Variants in CALN1 observed in about 807,000 individuals in gnomAD.
The protein encoded by CALN1 is calcium-binding protein 8.
A neutral mutation model predicts 30.6 loss-of-function variants in CALN1; 17 were observed. The ratio of observed to expected loss-of-function variants is 0.56; its 90% CI spans 0.38 to 0.83. The LOEUF is 0.83. CALN1 is among the 40% of genes least tolerant of loss of function. The probability of loss-of-function intolerance (pLI) is 0.00; values close to 1 mark genes in which losing one functional copy is unlikely to be tolerated. For synonymous variants in CALN1, 156 were observed against 131.4 expected (o/e 1.19, Z -1.28); for missense variants, 291 against 354.9 (o/e 0.82, Z 1.45).
At chr7:71,834,217 C>CAAAAAAAAAAAAAA (rs11313802) in intron 5 of CALN1, among the ~76,000 whole-genome samples, 1 of 48,308 alleles carries the variant, frequency 2.1e-5, no homozygotes, top group Non-Finnish European at 3.6e-5. Flanking sequence ...GACTCCATCT[C>CAAAAAAAAAAAAAA]AAAAAAAAAA....
chr7:72,052,508 G>C (rs1802902012), intron 4 of CALN1, among the ~76,000 whole-genome samples: 1 of 151,962 alleles, frequency 6.6e-6, no homozygotes, highest in Non-Finnish European at 1.5e-5. Context: ...AAGAAAATCT[G>C]CTCTATAGCC....
chr7:71,872,878 T>C (rs1029082461), intron 5 of CALN1, among the ~76,000 whole-genome samples: 5 of 152,028 alleles, frequency 3.3e-5, no homozygotes, highest in Admixed American at 2.6e-4. Context: ...CCTTCCAAAG[T>C]GCTGAGATTA....
At chr7:71,838,022 A>G (rs12673420) in intron 5 of CALN1, among the ~76,000 whole-genome samples, 64,012 of 151,956 alleles carry the variant, frequency 0.42, 13,753 homozygotes, top group South Asian at 0.56. Context: ...TTAAGTGGTA[A>G]TTGTGGTAAC....
At position 72,325,625 on chromosome 7, in the gene CALN1, G is replaced by GTTTC. The variant is rs1403345823; in HGVS notation, c.120-46816_120-46815insGAAA. Among the ~76,000 whole-genome samples, 4 of 152,074 alleles carry GTTTC rather than the reference G, an allele frequency of 2.6e-5. No individual in the cohort carries two copies. In the South Asian group the frequency reaches 8.3e-4, roughly 32 times the overall value. On this transcript the variant is annotated intron_variant, in intron 2 of 6. Coordinates refer to ENST00000395275, the MANE Select transcript of CALN1 (RefSeq NM_031468.4). ...TCGAAAATAAATAAATAAAACAAGA[G>GTTTC]TGAAACTCTGTCTCAAAAATAAATA...
At chr7:71,918,204 A>G (rs940756118) in intron 5 of CALN1, among the ~76,000 whole-genome samples, 1 of 152,010 alleles carries the variant, frequency 6.6e-6, no homozygotes, top group Non-Finnish European at 1.5e-5. Flanking sequence ...GTACACACAC[A>G]TGTGTGCTGC....
chr7:72,374,344 C>G (rs1168638841), intron 2 of CALN1, among the ~76,000 whole-genome samples: 3 of 152,080 alleles, frequency 2.0e-5, no homozygotes, highest in Non-Finnish European at 1.5e-5. Flanking sequence ...GCCTGGCCAA[C>G]AGGGCAAAAC....
At position 72,311,014 on chromosome 7, in the gene CALN1, A is replaced by G. The variant is rs150192756; in HGVS notation, c.120-32204T>C. On this transcript the variant is annotated intron_variant, in intron 2 of 6. Coordinates refer to ENST00000395275, the MANE Select transcript of CALN1 (RefSeq NM_031468.4). ...AAGGCACGGGTGTACTTATGCATGG[A>G]ATTTTTCCAGTTATGCCAAGTGTGC... Among the ~76,000 whole-genome samples, 347 of 151,972 alleles carry G rather than the reference A, an allele frequency of 2.3e-3. 2 individuals carry two copies. The highest frequency in any genetic ancestry group is 0.017 in the Middle Eastern group (5 of 286).
chr7:72,256,521 A>T (rs1171022667), intron 3 of CALN1, among the ~76,000 whole-genome samples: 1 of 152,118 alleles, frequency 6.6e-6, no homozygotes, highest in Non-Finnish European at 1.5e-5. Context: ...AGATGACCAA[A>T]ATTCTGGATT....
intron 5 of CALN1, among the ~76,000 whole-genome samples, chr7:71,959,418 G>C (rs140192998): frequency 1.3e-5 from 2 of 152,178 alleles, no homozygotes; most frequent in African/African-American, 4.8e-5. Flanking sequence ...AGATGGGTGA[G>C]AGGCAAGTCC....
intron 5 of CALN1, among the ~76,000 whole-genome samples, chr7:71,837,207 G>A (rs906125676): frequency 2.8e-5 from 4 of 142,250 alleles, no homozygotes; most frequent in African/African-American, 8.0e-5. Context: ...ACTCCAGCCC[G>A]GGTGACAGGG....
chr7:72,377,259 G>C (rs539467598), intron 2 of CALN1, among the ~76,000 whole-genome samples: 1 of 152,220 alleles, frequency 6.6e-6, no homozygotes, highest in South Asian at 2.1e-4. Context: ...GAGTCTGCAG[G>C]TCAATTTGGG....
At position 72,386,425 on chromosome 7, in the gene CALN1, T is replaced by C. The variant is rs1408172365; in HGVS notation, c.119+16826A>G. 2.0e-5 allele frequency among the ~76,000 whole-genome samples: 3 copies of C among 152,216 alleles called. No individual in the cohort carries two copies. In the East Asian group the frequency reaches 5.8e-4, roughly 29 times the overall value. On this transcript the variant is annotated intron_variant, in intron 2 of 6. Coordinates refer to ENST00000395275, the MANE Select transcript of CALN1 (RefSeq NM_031468.4). Reference sequence around the variant, plus strand: ...ACTGCAAAGGAACTATACATAAGCGTTTTAGTTGATAAGGTTGTCTCCTAT... The same window carrying C: ...ACTGCAAAGGAACTATACATAAGCGCTTTAGTTGATAAGGTTGTCTCCTAT...
the CALN1 span, among the ~76,000 whole-genome samples, chr7:72,470,241 A>G: frequency 6.6e-6 from 1 of 152,170 alleles, no homozygotes; most frequent in Non-Finnish European, 1.5e-5. Flanking sequence ...ATGTGCAGTA[A>G]TGTGCATAGA....
At chr7:72,386,891 A>C (rs13240066) in intron 2 of CALN1, among the ~76,000 whole-genome samples, 1 of 152,038 alleles carries the variant, frequency 6.6e-6, no homozygotes, top group African/African-American at 2.4e-5. Flanking sequence ...AGATGGTTAC[A>C]TCTAGAAGTA....
At chr7:72,411,155 T>G (rs1385396420) in intron 1 of CALN1, among the ~76,000 whole-genome samples, 1 of 152,116 alleles carries the variant, frequency 6.6e-6, no homozygotes, top group African/African-American at 2.4e-5. Flanking sequence ...TTTACAGATT[T>G]GAAAAAAACT....
At chr7:72,243,552 C>T (rs568841058) in intron 3 of CALN1, among the ~76,000 whole-genome samples, 11 of 152,124 alleles carry the variant, frequency 7.2e-5, no homozygotes, top group Non-Finnish European at 1.3e-4. Flanking sequence ...GAAACAGCCC[C>T]AGGCACAAGA....
At chr7:72,501,824 G>T in the CALN1 span, among the ~76,000 whole-genome samples, 51 of 146,138 alleles carry the variant, frequency 3.5e-4, no homozygotes, top group African/African-American at 1.0e-3. Context: ...CAGGAGAATC[G>T]CTTGAAACCA....
intron 3 of CALN1, among the ~76,000 whole-genome samples, chr7:72,119,996 C>T (rs1474853825): frequency 2.0e-5 from 3 of 152,080 alleles, no homozygotes; most frequent in Non-Finnish European, 4.4e-5. Flanking sequence ...TACATGTGCA[C>T]GTTCGTTCCA....
intron 2 of CALN1, among the ~76,000 whole-genome samples, chr7:72,377,609 G>C (rs938862743): frequency 1.3e-5 from 2 of 152,070 alleles, no homozygotes; most frequent in Non-Finnish European, 2.9e-5. Flanking sequence ...TGTTTGTTTA[G>C]CAACTTCTCT....
Sources: allele counts gnomAD v4.1 joint callset (sites outside exome capture counted in the v4.1 genomes callset), GRCh38; gene constraint gnomAD v4.1.1; transcripts MANE v1.5; gene names NCBI Gene and HGNC (gene_info 2026-07-23, HGNC 2026-07-21).